PIK3C2G: variants seen among roughly 807,000 people sequenced by gnomAD.
PIK3C2G encodes the protein phosphatidylinositol 3-kinase C2 domain-containing subunit gamma.
PIK3C2G carries 168 observed loss-of-function variants against 181.1 expected under a neutral mutation model. The ratio of observed to expected loss-of-function variants is 0.93; its 90% CI spans 0.82 to 1.05. The LOEUF (loss-of-function observed/expected upper bound fraction) is 1.05. Ranked by LOEUF, PIK3C2G falls within the 50% of genes least tolerant of loss-of-function variation. The pLI, the probability that PIK3C2G is intolerant of heterozygous loss-of-function variation, is 0.00. For missense variants in PIK3C2G, 1,869 were observed against 1,732.8 expected (o/e 1.08, Z -1.40); for synonymous variants, 573 against 592.2 (o/e 0.97, Z 0.47).
At chr12:18,630,383 T>C (rs1026958000) in intron 31 of PIK3C2G, among the ~76,000 whole-genome samples, 1 of 151,870 alleles carries the variant, frequency 6.6e-6, no homozygotes, top group African/African-American at 2.4e-5. Context: ...CAGAGCGGGA[T>C]TTTTTCTCAA....
chr12:18,343,930 A>G (rs1190632590), intron 10 of PIK3C2G, among the ~76,000 whole-genome samples: 8 of 149,452 alleles, frequency 5.4e-5, no homozygotes, highest in Admixed American at 5.3e-4. Context: ...CATGGGACGG[A>G]GCAGTCTGAC....
At chr12:18,644,099 C>T (rs1031223258) in intron 32 of PIK3C2G, among the ~76,000 whole-genome samples, 2 of 152,152 alleles carry the variant, frequency 1.3e-5, no homozygotes, top group Non-Finnish European at 1.5e-5. Flanking sequence ...AGTCTCCACC[C>T]TTCCCATACT....
intron 24 of PIK3C2G, among the ~76,000 whole-genome samples, chr12:18,531,949 G>T (rs1428367115): frequency 6.6e-6 from 1 of 150,846 alleles, no homozygotes; most frequent in Non-Finnish European, 1.5e-5. Flanking sequence ...TTAAGAAACT[G>T]CCAAGTGATT....
the PIK3C2G span, among the ~76,000 whole-genome samples, chr12:18,682,689 TAC>T: frequency 6.6e-6 from 1 of 151,988 alleles, no homozygotes; most frequent in Non-Finnish European, 1.5e-5. Flanking sequence ...ATCAATTTTA[TAC>T]ACACTCGTAA....
rs561648988 is a variant in PIK3C2G, at chr12:18,317,160, C to T, written c.1137+3096C>T. Among the ~76,000 whole-genome samples the T allele has an allele frequency of 7.2e-5, 11 of 151,762 alleles. No homozygotes were observed. The East Asian group carries it at 2.2e-3, about 30-fold the overall frequency. On this transcript the variant is annotated intron_variant, in intron 6 of 32. Coordinates refer to ENST00000538779, the MANE Select transcript of PIK3C2G (RefSeq NM_001288772.2). ...TCCTGAGTAGCTGGGATTGCAGGCA[C>T]GTGCCACCATGCCTGGCTAATTTTT... is the stretch of plus-strand genomic sequence containing the variant.
chr12:18,641,743 C>CTTTTTTTTTTTTTTTTTTTTTTTTTTTTT lies in PIK3C2G; in HGVS notation c.4308+1209_4308+1210insTTTTTTTTTTTTTTTTTTTTTTTTTTTTT, dbSNP rs11285609. 8.6e-5 allele frequency among the ~76,000 whole-genome samples: 8 copies of CTTTTTTTTTTTTTTTTTTTTTTTTTTTTT among 93,178 alleles called. 1 individual carries two copies. Among genetic ancestry groups the CTTTTTTTTTTTTTTTTTTTTTTTTTTTTT allele is most frequent in the African/African-American group, 1.5e-4 (3 of 20,346 alleles). 61.1% of individuals were successfully genotyped at this position (93,178 alleles called of 152,430 possible). A position where few individuals can be genotyped will look rare whatever the true frequency, so the allele number is the denominator to read the frequency against. On this transcript the variant is annotated intron_variant, in intron 32 of 32. Coordinates refer to ENST00000538779, the MANE Select transcript of PIK3C2G (RefSeq NM_001288772.2). ...AAAACCCTGGCTTCTCTCTCTCAAG[C>CTTTTTTTTTTTTTTTTTTTTTTTTTTTTT]TTTTTTTTTTTTTTTTTTTTGAGAT...
the PIK3C2G span, chr12:18,695,196 G>C: frequency 9.7e-7 from 1 of 1,030,154 alleles, no homozygotes; most frequent in Non-Finnish European, 1.5e-6. Flanking sequence ...CTATGAGCAA[G>C]TATCATTAGC....
At chr12:18,575,818 C>T (rs1011077633) in intron 29 of PIK3C2G, among the ~76,000 whole-genome samples, 9 of 152,206 alleles carry the variant, frequency 5.9e-5, no homozygotes, top group African/African-American at 1.9e-4. Context: ...CTATATTTAT[C>T]TCTATTTTTA....
intron 18 of PIK3C2G, among the ~76,000 whole-genome samples, chr12:18,471,433 A>G (rs934738497): frequency 2.2e-4 from 34 of 152,046 alleles, no homozygotes; most frequent in Non-Finnish European, 1.6e-4. Context: ...ATCTATTACA[A>G]ATCTATCTTT....
chr12:18,604,359 A>G (rs968667718), intron 30 of PIK3C2G, among the ~76,000 whole-genome samples: 3 of 152,164 alleles, frequency 2.0e-5, no homozygotes, highest in African/African-American at 7.2e-5. Context: ...ACCTAAACAT[A>G]TATGCACCTA....
chr12:18,339,305 G>A (rs1380513597), intron 9 of PIK3C2G, among the ~76,000 whole-genome samples: 2 of 152,140 alleles, frequency 1.3e-5, no homozygotes, highest in African/African-American at 4.8e-5. Flanking sequence ...GTATAAAATA[G>A]TTTGACATAT....
At chr12:18,251,300 A>C (rs2136952283) in intron 1 of PIK3C2G, among the ~76,000 whole-genome samples, 1 of 152,076 alleles carries the variant, frequency 6.6e-6, no homozygotes, top group South Asian at 2.1e-4. Flanking sequence ...TCCACTTAAA[A>C]CTGTCAACTT....
chr12:18,507,681 A>C (rs1251085852), intron 24 of PIK3C2G, among the ~76,000 whole-genome samples: 2 of 151,698 alleles, frequency 1.3e-5, no homozygotes, highest in African/African-American at 4.8e-5. Context: ...TTTTTTTTTA[A>C]TTTTGATGTT....
chr12:18,560,362 A>G (rs190969691), intron 26 of PIK3C2G, among the ~76,000 whole-genome samples: 96 of 152,272 alleles, frequency 6.3e-4, no homozygotes, highest in African/African-American at 1.7e-3. Flanking sequence ...CACCAAAAAG[A>G]TAAACTGTAT....
rs1592671444 is a variant in PIK3C2G, at chr12:18,594,474, T to C, written c.4012-20T>C. ...AAATATAAGAAATAAAGAAATATTA[T>C]GTTTCATTTTGTTTTTCAGAGTGAT... On this transcript the variant is annotated intron_variant, in intron 29 of 32. Coordinates refer to ENST00000538779, the MANE Select transcript of PIK3C2G (RefSeq NM_001288772.2). 2.8e-6 allele frequency: 4 copies of C among 1,441,608 alleles called. No homozygotes were observed. The East Asian group carries it at 9.8e-5, about 35-fold the overall frequency. 89.3% of individuals were successfully genotyped at this position (1,441,608 alleles called of 1,614,324 possible).
At chr12:18,348,052 T>C (rs1281213578) in intron 11 of PIK3C2G, among the ~76,000 whole-genome samples, 1 of 151,998 alleles carries the variant, frequency 6.6e-6, no homozygotes, top group African/African-American at 2.4e-5. Flanking sequence ...ATTACTCTAA[T>C]TAATGTTTTC....
the PIK3C2G span, chr12:18,683,547 T>C: frequency 1.3e-6 from 2 of 1,500,520 alleles, no homozygotes; most frequent in Non-Finnish European, 1.8e-6. Flanking sequence ...CTCATACTTC[T>C]CCTTCCGCAA....
At chr12:18,555,527 T>G (rs1241236780) in intron 26 of PIK3C2G, among the ~76,000 whole-genome samples, 1 of 152,118 alleles carries the variant, frequency 6.6e-6, no homozygotes, top group Non-Finnish European at 1.5e-5. Context: ...GCAATTAAAA[T>G]ATTTAGTTTG....
intron 18 of PIK3C2G, among the ~76,000 whole-genome samples, chr12:18,455,981 T>C (rs1214446699): frequency 1.3e-5 from 2 of 152,160 alleles, no homozygotes; most frequent in African/African-American, 2.4e-5. Flanking sequence ...ACTTGTTTTC[T>C]TTACCATTCT....
Sources: allele counts gnomAD v4.1 joint callset (sites outside exome capture counted in the v4.1 genomes callset), GRCh38; gene constraint gnomAD v4.1.1; transcripts MANE v1.5; gene names NCBI Gene and HGNC (gene_info 2026-07-23, HGNC 2026-07-21).